The following CLCN7 variants were observed in gnomAD, a reference collection of about 807,000 sequenced individuals.
CLCN7 encodes Cl-/H+ antiporter 7.
Under a neutral mutation model 102.1 loss-of-function variants are expected in CLCN7, and 60 were observed. The observed-to-expected ratio is 0.59, with a 90% confidence interval of 0.48 to 0.73. CLCN7 has a LOEUF of 0.73. Among genes scored for constraint, CLCN7 ranks in the 30% least tolerant of loss-of-function variants. CLCN7 has a pLI of 0.00. For missense variants in CLCN7, 962 were observed against 1,125.7 expected, an observed-to-expected ratio of 0.85 and a Z score of 2.08; for synonymous variants, 560 against 490.5, an observed-to-expected ratio of 1.14 and a Z score of -1.87.
At position 1,447,023 on chromosome 16, in the gene CLCN7, C is replaced by A. The variant is rs921948553; in HGVS notation, c.2314G>T (p.Val772Leu). The A allele has an allele frequency of 1.3e-6, 2 of 1,599,730 alleles. No individual in the cohort carries two copies. Among genetic ancestry groups the A allele is most frequent in the East Asian group, 4.5e-5 (2 of 44,440 alleles). Residue 772 changes from valine (V) to leucine (L), a missense_variant, in exon 24 of 25, where the codon GTG becomes TTG. This residue lies in a region of CLCN7 where 799 missense variants were observed against 988.0 expected (regional missense o/e 0.81). Transcript: ENST00000382745. The part of the protein sequence containing the change: ...RALGLRHLVV[V>L]DNRNQVVGLV... The stretch of plus-strand genomic sequence containing the variant: ...CCGCTCACCTGATTGCGGTTGTCCA[C>A]CACCACCAGGTGCCGCAGGCCCAGG...
At chr16:1,454,386 C>G (rs773316097) in intron 13 of CLCN7, 25 bp downstream of exon 13, 2 of 1,611,918 alleles carry the variant, frequency 1.2e-6, no homozygotes, top group African/African-American at 2.7e-5. Flanking sequence ...CAGGCCGTCC[C>G]TGCGGTGCTG....
intron 1 of CLCN7, chr16:1,467,739 T>G (rs878946500): frequency 2.6e-5 from 4 of 152,368 alleles, no homozygotes; most frequent in African/African-American, 9.6e-5. Flanking sequence ...CACTTCTCTC[T>G]AACGCCACTC....
intron 17 of CLCN7, 153 bp from the exon 18 acceptor site, chr16:1,449,480 A>G (rs1432574525): frequency 2.9e-6 from 2 of 688,266 alleles, no homozygotes; most frequent in Non-Finnish European, 5.1e-6. Context: ...AACCTAGCAC[A>G]GTACACCCTG....
chr16:1,458,078 C>T lies in CLCN7; in HGVS notation c.676-322G>A, dbSNP rs185160156. 2.0e-3 allele frequency among the ~76,000 whole-genome samples: 307 copies of T among 152,316 alleles called. 2 individuals are homozygous for T. The highest frequency in any genetic ancestry group is 3.9e-3 in the Non-Finnish European group (262 of 68,008). Reference sequence around the variant, plus strand: ...CTACAGGCACACCTGCCTCCGCCAGCGTGGCCAGCACAGGGGAGGTGTTCC... The same window carrying T: ...CTACAGGCACACCTGCCTCCGCCAGTGTGGCCAGCACAGGGGAGGTGTTCC... On this transcript the variant is annotated intron_variant, in intron 7 of 24. Coordinates refer to ENST00000382745, the MANE Select transcript of CLCN7 (RefSeq NM_001287.6).
chr16:1,469,346 T>C (rs2039046649), intron 1 of CLCN7, among the ~76,000 whole-genome samples: 2 of 151,950 alleles, frequency 1.3e-5, no homozygotes, highest in African/African-American at 4.8e-5. Context: ...TTTGCAAATG[T>C]GATAAGGAAT....
At chr16:1,466,443 AG>A (rs1334753878) in intron 1 of CLCN7, among the ~76,000 whole-genome samples, 2 of 152,246 alleles carry the variant, frequency 1.3e-5, no homozygotes, top group Non-Finnish European at 2.9e-5. Context: ...GGAGACGTGC[AG>A]GAACGGCCTG....
rs928640715 is a variant in CLCN7 at position 1,445,889 on chromosome 16, T to C, written c.*742A>G. ...TGGGTGTGGGGCCCAGACTCCAAGC[T>C]CTGGGGGTTGGGGGACCAAGGCAGG... On this transcript the variant is annotated 3_prime_UTR_variant, in exon 25 of 25. Transcript: ENST00000382745. 28 of 206,344 alleles carry C rather than the reference T, an allele frequency of 1.4e-4. No homozygotes were observed. Among genetic ancestry groups the C allele is most frequent in the African/African-American group, 5.2e-4 (22 of 42,620 alleles). 12.8% of individuals were successfully genotyped at this position (206,344 alleles called of 1,614,324 possible).
intron 10 of CLCN7, 67 bp downstream of exon 10, chr16:1,456,046 G>T: frequency 1.5e-6 from 2 of 1,336,498 alleles, no homozygotes; most frequent in South Asian, 1.2e-5. Flanking sequence ...GGCCTACAGA[G>T]AGGAGACCGT....
intron 12 of CLCN7, 123 bp from the exon 13 acceptor site, chr16:1,454,588 A>G: frequency 1.0e-6 from 1 of 955,566 alleles, no homozygotes; most frequent in Non-Finnish European, 1.7e-6. Context: ...CCGCCCTTCC[A>G]CGCAGGCTGC....
At chr16:1,473,112 T>A (rs1384990333) in intron 1 of CLCN7, among the ~76,000 whole-genome samples, 1 of 151,162 alleles carries the variant, frequency 6.6e-6, no homozygotes, top group Non-Finnish European at 1.5e-5. Flanking sequence ...CACAGAGGCA[T>A]ACACATACAC....
At chr16:1,474,759 A>C in intron 1 of CLCN7, 75 bp downstream of exon 1, 1 of 1,172,948 alleles carries the variant, frequency 8.5e-7, no homozygotes, top group Non-Finnish European at 1.1e-6. Flanking sequence ...CGGCGCCGCC[A>C]GAAGGCTCAC....
In CLCN7 at chr16:1,452,777, C is replaced by T. The variant is rs2142374595; in HGVS notation, c.1331G>A (p.Gly444Asp). 2 of 1,604,464 alleles carry T rather than the reference C, an allele frequency of 1.2e-6. No individual in the cohort carries two copies. The highest frequency in any genetic ancestry group is 1.7e-6 in the Non-Finnish European group (2 of 1,176,184). ...SSRDCQPLQGGSMSYPLQLFC... is the reference protein window; with the variant it reads ...SSRDCQPLQGDSMSYPLQLFC... ...CACCTGCAGCGGGTAGGACATGGAG[C>T]CCCCCTGCAGGGGCTGGCAATCCCG... The change falls in exon 15 of 25, where the codon GGC becomes GAC. Residue 444 changes from glycine to aspartate, a missense_variant. Around this residue, in one of 2 missense-constraint regions of CLCN7, gnomAD observed 799 missense variants for 988.0 expected, o/e 0.81. Coordinates refer to ENST00000382745, the MANE Select transcript of CLCN7 (RefSeq NM_001287.6).
At chr16:1,471,274 G>C (rs1438776653) in intron 1 of CLCN7, among the ~76,000 whole-genome samples, 3 of 152,112 alleles carry the variant, frequency 2.0e-5, no homozygotes, top group African/African-American at 7.2e-5. Context: ...GACACCACCA[G>C]CCAACCTGAA....
At chr16:1,450,975 G>C (rs768264163) in intron 16 of CLCN7, among the ~76,000 whole-genome samples, 1 of 152,254 alleles carries the variant, frequency 6.6e-6, no homozygotes, top group Admixed American at 6.5e-5. Context: ...CTCCATGGGT[G>C]TGCACCGTGG....
At chr16:1,473,370 CTTTTT>C (rs779736867) in intron 1 of CLCN7, among the ~76,000 whole-genome samples, 62 of 76,698 alleles carry the variant, frequency 8.1e-4, no homozygotes, top group African/African-American at 3.4e-3. Flanking sequence ...CCTTCCTAAA[CTTTTT>C]TTTTTTTTTT....
chr16:1,454,193 T>G (rs1420851138), intron 13 of CLCN7, among the ~76,000 whole-genome samples: 1 of 152,260 alleles, frequency 6.6e-6, no homozygotes, highest in Non-Finnish European at 1.5e-5. Flanking sequence ...CCTGTGGTTT[T>G]TGCCAACAGA....
At chr16:1,462,123 C>T (rs1393347945) in intron 2 of CLCN7, among the ~76,000 whole-genome samples, 1 of 151,842 alleles carries the variant, frequency 6.6e-6, no homozygotes, top group Non-Finnish European at 1.5e-5. Flanking sequence ...GACCAACACC[C>T]CTACAACCAC....
intron 1 of CLCN7, among the ~76,000 whole-genome samples, chr16:1,470,347 C>A (rs566846262): frequency 6.6e-6 from 1 of 152,228 alleles, no homozygotes; most frequent in East Asian, 1.9e-4. Context: ...TTTTTTAAAA[C>A]TTAAAGCAGG....
At position 1,457,813 on chromosome 16, in the gene CLCN7, C is replaced by G. The variant is rs565510414; in HGVS notation, c.676-57G>C. 3 of 1,556,972 alleles carry G rather than the reference C, an allele frequency of 1.9e-6. No homozygotes were observed. Among genetic ancestry groups the G allele is most frequent in the Admixed American group, 1.7e-5 (1 of 59,916 alleles). ...GAAAAGGCAGGCGCTGTCTTTGGAC[C>G]TGAGCCGTAAAACAGCACACACAGC... On this transcript the variant is annotated intron_variant, in intron 7 of 24. Transcript: ENST00000382745. The surrounding 1 kb of genome is among the most constrained non-coding windows in gnomAD (Gnocchi z 5.4).
Sources: allele counts gnomAD v4.1 joint callset (sites outside exome capture counted in the v4.1 genomes callset), GRCh38; gene constraint gnomAD v4.1.1; regional missense constraint gnomAD v4.1.1; non-coding constraint Gnocchi (gnomAD v3.1); transcripts MANE v1.5; gene names NCBI Gene and HGNC (gene_info 2026-07-23, HGNC 2026-07-21).